Variants in MYO16 observed in about 807,000 individuals in gnomAD.
The protein encoded by MYO16 is unconventional myosin-XVI.
MYO16 carries 94 observed loss-of-function variants against 205.3 expected under a neutral mutation model. The ratio of observed to expected loss-of-function variants is 0.46; its 90% CI spans 0.39 to 0.54. The LOEUF (loss-of-function observed/expected upper bound fraction) is 0.54, where lower values mean the gene tolerates loss of function less well. Among genes scored for constraint, MYO16 ranks in the 20% least tolerant of loss-of-function variants. The pLI is 0.00. For synonymous variants in MYO16, 988 were observed against 954.0 expected (o/e 1.04, Z -0.66); for missense variants, 2,315 against 2,387.5 (o/e 0.97, Z 0.63).
chr13:108,910,811 G>T (rs4606571), intron 16 of MYO16, among the ~76,000 whole-genome samples: 1 of 151,958 alleles, frequency 6.6e-6, no homozygotes, highest in Non-Finnish European at 1.5e-5. Flanking sequence ...GAAGTTGGTG[G>T]GAAAAGAGCA....
intron 6 of MYO16, among the ~76,000 whole-genome samples, chr13:108,803,692 G>C (rs1001214394): frequency 1.3e-5 from 2 of 152,184 alleles, no homozygotes; most frequent in East Asian, 3.9e-4. Context: ...GTGGAGCCTG[G>C]GATGCTCCTG....
intron 2 of MYO16, among the ~76,000 whole-genome samples, chr13:108,688,738 A>G (rs1434362294): frequency 1.3e-5 from 2 of 152,224 alleles, no homozygotes; most frequent in Non-Finnish European, 2.9e-5. Context: ...CCATGGGTTA[A>G]AGAATACACA....
intron 4 of MYO16, among the ~76,000 whole-genome samples, chr13:108,741,801 C>G (rs1175282499): frequency 6.6e-6 from 1 of 152,124 alleles, no homozygotes; most frequent in African/African-American, 2.4e-5. Context: ...GCCCAGTATA[C>G]TTTAGGAATT....
intron 20 of MYO16, among the ~76,000 whole-genome samples, chr13:108,990,862 C>A (rs1884805600): frequency 6.6e-6 from 1 of 151,956 alleles, no homozygotes; most frequent in African/African-American, 2.4e-5. Flanking sequence ...GTATTATAGA[C>A]CCTCATGGAT....
chr13:108,589,866 A>T, the MYO16 span, among the ~76,000 whole-genome samples: 1 of 152,202 alleles, frequency 6.6e-6, no homozygotes, highest in Non-Finnish European at 1.5e-5. Flanking sequence ...AAAATTACAC[A>T]TATATCACCA....
intron 21 of MYO16, among the ~76,000 whole-genome samples, chr13:108,994,316 T>TACAC (rs146565717): frequency 0.036 from 5,267 of 146,512 alleles, 101 homozygotes; most frequent in Non-Finnish European, 0.049. Flanking sequence ...AAATTTGAAA[T>TACAC]ACACACACAC....
At chr13:109,179,751 A>G in intron 34 of MYO16, 118 bp downstream of exon 34, 3 of 738,812 alleles carry the variant, frequency 4.1e-6, no homozygotes, top group Non-Finnish European at 7.0e-6. Flanking sequence ...AGCTGTTCTC[A>G]CCTCTGCCCT....
intron 9 of MYO16, among the ~76,000 whole-genome samples, chr13:108,824,663 G>A (rs1876159170): frequency 6.6e-6 from 1 of 151,972 alleles, no homozygotes; most frequent in Non-Finnish European, 1.5e-5. Context: ...AGAAATAGTG[G>A]AATACATATT....
chr13:108,633,048 C>A (rs143760592), intron 1 of MYO16, among the ~76,000 whole-genome samples: 1 of 152,064 alleles, frequency 6.6e-6, no homozygotes, highest in Non-Finnish European at 1.5e-5. Context: ...TCTAAGCATA[C>A]GGGTTTGGGG....
chr13:109,081,219 A>G (rs1012113154), intron 27 of MYO16, among the ~76,000 whole-genome samples: 10 of 152,212 alleles, frequency 6.6e-5, no homozygotes, highest in African/African-American at 2.4e-4. Flanking sequence ...TAATTCATTG[A>G]AATATTTAAA....
upstream of MYO16, among the ~76,000 whole-genome samples, chr13:108,593,597 C>T (rs914832788): frequency 4.6e-5 from 7 of 152,242 alleles, no homozygotes; most frequent in African/African-American, 1.7e-4. Flanking sequence ...TATCTTAACC[C>T]ATGACATTAG....
intron 9 of MYO16, among the ~76,000 whole-genome samples, chr13:108,843,381 G>C (rs1004479839): frequency 6.6e-6 from 1 of 152,166 alleles, no homozygotes; most frequent in Non-Finnish European, 1.5e-5. Context: ...AGGTGATAAA[G>C]TATTCTATAC....
the MYO16 span, among the ~76,000 whole-genome samples, chr13:108,497,706 C>T: frequency 1.3e-5 from 2 of 152,068 alleles, no homozygotes; most frequent in African/African-American, 4.8e-5. Context: ...AAATATTTTG[C>T]ACGTGTAATT....
chr13:108,860,419 A>AT (rs1878397345), intron 11 of MYO16, among the ~76,000 whole-genome samples: 1 of 152,174 alleles, frequency 6.6e-6, no homozygotes, highest in Non-Finnish European at 1.5e-5. Flanking sequence ...ATTTATGGGC[A>AT]TTGAAATTGA....
intron 22 of MYO16, among the ~76,000 whole-genome samples, chr13:109,011,012 G>A (rs1885578630): frequency 7.1e-6 from 1 of 140,988 alleles, no homozygotes; most frequent in South Asian, 2.2e-4. Context: ...GACTCCTCAT[G>A]GGGGCCCCCG....
the MYO16 span, among the ~76,000 whole-genome samples, chr13:108,520,777 C>A: frequency 6.6e-6 from 1 of 152,158 alleles, no homozygotes; most frequent in Non-Finnish European, 1.5e-5. Context: ...GTGCAGTGAT[C>A]ACATTGAACT....
chr13:108,902,949 G>A (rs1880779896), intron 15 of MYO16, among the ~76,000 whole-genome samples: 1 of 152,190 alleles, frequency 6.6e-6, no homozygotes, highest in Non-Finnish European at 1.5e-5. Flanking sequence ...GTAACGTGAT[G>A]AAATCTCCTG....
chr13:108,537,341 T>C, the MYO16 span, among the ~76,000 whole-genome samples: 1 of 152,176 alleles, frequency 6.6e-6, no homozygotes, highest in Non-Finnish European at 1.5e-5. Context: ...TATTTCCTTT[T>C]TATGGCTGCA....
intron 14 of MYO16, among the ~76,000 whole-genome samples, chr13:108,891,809 G>A (rs1315787117): frequency 6.6e-6 from 1 of 152,136 alleles, no homozygotes; most frequent in Non-Finnish European, 1.5e-5. Flanking sequence ...GCCATCTAAA[G>A]GTTCAAAAGT....
Sources: gnomAD v4.1 joint callset for allele counts (sites outside exome capture counted in the v4.1 genomes callset) on GRCh38, gnomAD v4.1.1 for gene constraint, MANE v1.5 for transcripts, NCBI Gene and HGNC (gene_info 2026-07-23, HGNC 2026-07-21) for gene names.